The following FBN2 variants were observed in gnomAD, a reference collection of about 807,000 sequenced individuals.
The protein encoded by FBN2 is fibrillin-2.
FBN2 carries 105 observed loss-of-function variants against 355.6 expected under a neutral mutation model. The observed-to-expected ratio is 0.30, with a 90% confidence interval of 0.25 to 0.35. The LOEUF is 0.35. Among genes scored for constraint, FBN2 ranks in the 10% least tolerant of loss-of-function variants. The pLI, the probability that FBN2 is intolerant of heterozygous loss-of-function variation, is 1.00. For missense variants in FBN2, 3,280 were observed against 3,758.7 expected (o/e 0.87, Z 3.33); for synonymous variants, 1,350 against 1,301.2 (o/e 1.04, Z -0.81).
intron 7 of FBN2, among the ~76,000 whole-genome samples, chr5:128,429,087 T>G (rs761701633): frequency 2.6e-5 from 4 of 152,194 alleles, no homozygotes; most frequent in Non-Finnish European, 4.4e-5. Flanking sequence ...GAAACTCACA[T>G]GTCCTCTGCC....
chr5:128,357,300 T>C lies in FBN2; in HGVS notation c.2650A>G (p.Ser884Gly), dbSNP rs1467494445. The C allele has an allele frequency of 1.2e-6, 2 of 1,613,836 alleles. No individual in the cohort carries two copies. The highest frequency in any genetic ancestry group is 1.7e-6 in the Non-Finnish European group (2 of 1,179,820). Residue 884 changes from serine to glycine, a missense_variant, in exon 20 of 65, where the codon AGC becomes GGC. Around this residue, in one of 6 missense-constraint regions of FBN2, gnomAD observed 2,284 missense variants for 2,749.5 expected, o/e 0.83. Coordinates refer to ENST00000262464, the MANE Select transcript of FBN2 (RefSeq NM_001999.4). Reference protein sequence around the residue: ...NCECSPGSKLSSTGLICIDSL... With the variant: ...NCECSPGSKLGSTGLICIDSL... ...CCAATACAGATCAATCCTGTGGAGC[T>C]GAGTTTGCTGCCGGGCGAACATTCA...
intron 5 of FBN2, among the ~76,000 whole-genome samples, chr5:128,494,050 G>A (rs537102611): frequency 1.3e-5 from 2 of 152,324 alleles, no homozygotes; most frequent in Admixed American, 6.5e-5. Flanking sequence ...ATATGGGTCT[G>A]TGACTCAGTT....
intron 25 of FBN2, among the ~76,000 whole-genome samples, chr5:128,343,766 A>C (rs1751092214): frequency 6.6e-6 from 1 of 152,248 alleles, no homozygotes; most frequent in Non-Finnish European, 1.5e-5. Flanking sequence ...TCAAGTTTAT[A>C]TAATTCTTGT....
intron 15 of FBN2, among the ~76,000 whole-genome samples, chr5:128,369,807 G>A (rs1009930921): frequency 3.9e-5 from 6 of 152,134 alleles, no homozygotes; most frequent in Admixed American, 2.6e-4. Flanking sequence ...CGAGTTAGGA[G>A]GCCTTTCTTT....
chr5:128,278,685 T>C lies in FBN2; in HGVS notation c.7295A>G (p.Gln2432Arg). 3 of 1,614,172 alleles carry C rather than the reference T, an allele frequency of 1.9e-6. No homozygotes were observed. Among genetic ancestry groups the C allele is most frequent in the African/African-American group, 2.7e-5 (2 of 75,046 alleles). The change falls in exon 57 of 65, where the codon CAG becomes CGG. Residue 2432 changes from glutamine to arginine, a missense_variant. Physicochemically the swap from Gln to Arg is conservative, Grantham distance 43 (BLOSUM62 1). This residue lies in a region of FBN2 where 2,284 missense variants were observed against 2,749.5 expected (regional missense o/e 0.83). Transcript: ENST00000262464. ...GCCATGAGGACATATCTTTTTGTAC[T>C]GGGCAGTTCCAGGAAGTGGGCAAAG... ...CELCPLPGTA[Q>R]YKKICPHGPG...
intron 5 of FBN2, among the ~76,000 whole-genome samples, chr5:128,500,253 C>CAA (rs886535943): frequency 3.3e-5 from 5 of 151,530 alleles, no homozygotes; most frequent in African/African-American, 1.2e-4. Context: ...ACAACAACAA[C>CAA]AACAACAAAG....
chr5:128,344,482 C>A lies in FBN2; in HGVS notation c.3246G>T (p.Gly1082=). 1 of 1,613,232 alleles carries A rather than the reference C, an allele frequency of 6.2e-7. No individual in the cohort carries two copies. The highest frequency in any genetic ancestry group is 8.5e-7 in the Non-Finnish European group (1 of 1,179,238). The change falls in exon 25 of 65, where the codon GGG becomes GGT. Residue 1082 remains glycine, a synonymous_variant. Coordinates refer to ENST00000262464, the MANE Select transcript of FBN2 (RefSeq NM_001999.4). ...KDINECKAFP[G]MCTYGKCRNT... ...TTCTGCACTTCCCATAAGTGCACAT[C>A]CCAGGAAATGCTTTGCATTCATTGA... is the stretch of plus-strand genomic sequence containing the variant.
chr5:128,311,217 T>C, intron 39 of FBN2, 83 bp downstream of exon 39: 1 of 1,451,986 alleles, frequency 6.9e-7, no homozygotes, highest in South Asian at 1.1e-5. Flanking sequence ...TTGTAGAATG[T>C]GAGGATGGGC....
Position 128,537,582 on chromosome 5 carries a change from A to T in FBN2, c.22T>A (p.Cys8Ser), listed in dbSNP as rs1272430097. 1 of 1,607,450 alleles carries T rather than the reference A, an allele frequency of 6.2e-7. No individual in the cohort carries two copies. The highest frequency in any genetic ancestry group is 1.1e-5 in the South Asian group (1 of 90,380). Residue 8 changes from cysteine (C) to serine (S), a missense_variant, in exon 1 of 65, where the codon TGT becomes AGT. Transcript: ENST00000262464. MGRRRRL[C>S]LQLYFLWLGC... is the part of the protein sequence containing the mutation. Reference sequence around the variant, plus strand: ...AGCCACAGGAAGTAGAGCTGGAGACACAGCCTCCGTCTTCTCCCCATCGCC... The same window carrying T: ...AGCCACAGGAAGTAGAGCTGGAGACTCAGCCTCCGTCTTCTCCCCATCGCC...
intron 46 of FBN2, 80 bp downstream of exon 46, chr5:128,302,893 G>C: frequency 2.4e-6 from 2 of 841,520 alleles, no homozygotes; most frequent in Admixed American, 3.9e-5. Context: ...ATTTTTTTTT[G>C]TTCTTTAGTT....
intron 32 of FBN2, among the ~76,000 whole-genome samples, chr5:128,331,840 A>G (rs529218940): frequency 6.6e-6 from 1 of 152,276 alleles, no homozygotes; most frequent in East Asian, 1.9e-4. Flanking sequence ...CTGTTTTGCA[A>G]TAGTTGGCCA....
intron 5 of FBN2, among the ~76,000 whole-genome samples, chr5:128,468,653 C>G (rs965114860): frequency 2.6e-5 from 4 of 152,100 alleles, no homozygotes; most frequent in Non-Finnish European, 5.9e-5. Flanking sequence ...TTTATTATAA[C>G]CTGGGTTCAC....
intron 18 of FBN2, among the ~76,000 whole-genome samples, chr5:128,362,723 C>T (rs1751669678): frequency 6.6e-6 from 1 of 152,150 alleles, no homozygotes; most frequent in African/African-American, 2.4e-5. Flanking sequence ...GCTTGGTCTC[C>T]CAAAGTGCTG....
intron 8 of FBN2, among the ~76,000 whole-genome samples, chr5:128,403,838 T>C (rs985790851): frequency 3.9e-5 from 6 of 152,016 alleles, no homozygotes; most frequent in Non-Finnish European, 7.4e-5. Flanking sequence ...TAGTATACAA[T>C]GAAAGCGGAA....
chr5:128,287,206 T>C, intron 54 of FBN2, 102 bp downstream of exon 54: 3 of 1,326,830 alleles, frequency 2.3e-6, no homozygotes, highest in Non-Finnish European at 3.3e-6. Context: ...TATATATTTC[T>C]GTAAAGCTCT....
intron 25 of FBN2, 96 bp downstream of exon 25, chr5:128,344,289 C>A: frequency 7.9e-7 from 1 of 1,270,144 alleles, no homozygotes. Flanking sequence ...TTTTCATGTT[C>A]TCAATGAGAG....
chr5:128,318,585 T>C (rs895901815), intron 35 of FBN2, among the ~76,000 whole-genome samples: 8 of 151,862 alleles, frequency 5.3e-5, no homozygotes, highest in African/African-American at 1.9e-4. Flanking sequence ...CATGTATATA[T>C]ATATATACAT....
chr5:128,327,105 C>T (rs1750569916), intron 34 of FBN2, among the ~76,000 whole-genome samples: 1 of 152,146 alleles, frequency 6.6e-6, no homozygotes, highest in Non-Finnish European at 1.5e-5. Flanking sequence ...AATTCTACTA[C>T]TAAGCTTCAG....
Position 128,377,755 on chromosome 5 carries a change from C to T in FBN2, c.1846G>A (p.Val616Ile). 1 of 1,613,458 alleles carries T rather than the reference C, an allele frequency of 6.2e-7. No individual in the cohort carries two copies. The highest frequency in any genetic ancestry group is 8.5e-7 in the Non-Finnish European group (1 of 1,179,582). The change falls in exon 13 of 65, where the codon GTT becomes ATT. Residue 616 changes from valine to isoleucine, a missense_variant. By Grantham distance (29) the Val-to-Ile change is conservative. Around this residue, in one of 6 missense-constraint regions of FBN2, gnomAD observed 2,284 missense variants for 2,749.5 expected, o/e 0.83. Transcript: ENST00000262464. Reference protein sequence around the residue: ...FELTTDGKNCVDHDECTTTNM... With the variant: ...FELTTDGKNCIDHDECTTTNM... ...AGGGAGCAGGCAATTTCCATACCAA[C>T]ACAGTTTTTTCCATCTGTAGTTAAT...
Sources: gnomAD v4.1 joint callset for allele counts (sites outside exome capture counted in the v4.1 genomes callset) on GRCh38, gnomAD v4.1.1 for gene constraint, gnomAD v4.1.1 regional missense constraint, MANE v1.5 for transcripts, NCBI Gene and HGNC (gene_info 2026-07-23, HGNC 2026-07-21) for gene names.